EXOC6B: variants seen among roughly 807,000 people sequenced by gnomAD.
EXOC6B encodes SEC15 homolog B.
EXOC6B carries 54 observed loss-of-function variants against 113.5 expected under a neutral mutation model. The ratio of observed to expected loss-of-function variants is 0.48; its 90% confidence interval spans 0.38 to 0.60. The LOEUF is 0.60. Among genes scored for constraint, EXOC6B ranks in the 20% least tolerant of loss-of-function variants. EXOC6B has a pLI of 0.00. For missense variants in EXOC6B, 797 were observed against 977.5 expected (o/e 0.82, Z 2.46); for synonymous variants, 357 against 339.0 (o/e 1.05, Z -0.58).
intron 11 of EXOC6B, among the ~76,000 whole-genome samples, chr2:72,501,346 T>C (rs1471827571): frequency 6.6e-6 from 1 of 152,092 alleles, no homozygotes; most frequent in African/African-American, 2.4e-5. Context: ...GCTCCCTCTC[T>C]CACAATGTGA....
chr2:72,773,542 A>G (rs1683529483), intron 1 of EXOC6B, among the ~76,000 whole-genome samples: 1 of 151,998 alleles, frequency 6.6e-6, no homozygotes, highest in South Asian at 2.1e-4. Context: ...ATATCAAAAC[A>G]TCTCATTCTA....
intron 20 of EXOC6B, among the ~76,000 whole-genome samples, chr2:72,215,468 T>G (rs756235070): frequency 6.6e-6 from 1 of 152,182 alleles, no homozygotes; most frequent in Non-Finnish European, 1.5e-5. Flanking sequence ...GAAATCGTTA[T>G]GATCACCACC....
At chr2:72,618,404 A>C (rs1433418273) in intron 6 of EXOC6B, among the ~76,000 whole-genome samples, 2 of 152,232 alleles carry the variant, frequency 1.3e-5, no homozygotes, top group South Asian at 4.2e-4. Flanking sequence ...AAATCCCTTC[A>C]TATTATTGTG....
At chr2:72,238,179 G>A (rs1367391537) in intron 20 of EXOC6B, among the ~76,000 whole-genome samples, 1 of 152,112 alleles carries the variant, frequency 6.6e-6, no homozygotes, top group African/African-American at 2.4e-5. Context: ...GGCCTTTTGT[G>A]CTTGCTTCCT....
intron 11 of EXOC6B, among the ~76,000 whole-genome samples, chr2:72,506,674 C>G (rs1700613221): frequency 1.3e-5 from 2 of 152,104 alleles, no homozygotes. Flanking sequence ...TTCCTAAAAT[C>G]ATAAATATTA....
intron 6 of EXOC6B, among the ~76,000 whole-genome samples, chr2:72,655,146 C>A (rs990077459): frequency 3.3e-5 from 5 of 152,058 alleles, no homozygotes; most frequent in Non-Finnish European, 7.4e-5. Context: ...ATCAATTATT[C>A]AAACAAGTAA....
intron 8 of EXOC6B, among the ~76,000 whole-genome samples, chr2:72,548,885 T>C (rs1195266256): frequency 6.6e-6 from 1 of 151,964 alleles, no homozygotes; most frequent in Non-Finnish European, 1.5e-5. Context: ...GCTGAAACAT[T>C]AGAAAAAACT....
At chr2:72,277,593 G>T (rs1417614784) in intron 20 of EXOC6B, among the ~76,000 whole-genome samples, 1 of 151,936 alleles carries the variant, frequency 6.6e-6, no homozygotes, top group African/African-American at 2.4e-5. Flanking sequence ...CTGGGTTCAA[G>T]CAATTCTTGT....
At chr2:72,688,712 T>C (rs1677266645) in intron 6 of EXOC6B, among the ~76,000 whole-genome samples, 1 of 152,230 alleles carries the variant, frequency 6.6e-6, no homozygotes, top group Admixed American at 6.5e-5. Context: ...TAACAGCATC[T>C]GCTACGTCCA....
chr2:72,406,826 T>C (rs1482818823), intron 18 of EXOC6B, among the ~76,000 whole-genome samples: 1 of 152,080 alleles, frequency 6.6e-6, no homozygotes, highest in East Asian at 1.9e-4. Context: ...ATTCAAAAGC[T>C]AGCAGAAGGC....
intron 11 of EXOC6B, among the ~76,000 whole-genome samples, chr2:72,504,052 C>A (rs1700476353): frequency 6.6e-6 from 1 of 152,058 alleles, no homozygotes. Flanking sequence ...GGACCACAGG[C>A]ACATGCAACC....
At chr2:72,261,707 T>C (rs926821605) in intron 20 of EXOC6B, among the ~76,000 whole-genome samples, 3 of 152,178 alleles carry the variant, frequency 2.0e-5, no homozygotes, top group African/African-American at 7.2e-5. Flanking sequence ...TACATATAGT[T>C]CTCGACAAGT....
At chr2:72,293,339 T>A (rs1051169449) in intron 20 of EXOC6B, among the ~76,000 whole-genome samples, 1 of 152,090 alleles carries the variant, frequency 6.6e-6, no homozygotes, top group Admixed American at 6.5e-5. Context: ...AGTAGAAGAA[T>A]GGAGACACAA....
At chr2:72,281,055 T>C (rs890195654) in intron 20 of EXOC6B, among the ~76,000 whole-genome samples, 2 of 152,158 alleles carry the variant, frequency 1.3e-5, no homozygotes, top group Non-Finnish European at 2.9e-5. Flanking sequence ...AGGTTCCACC[T>C]AGAAGGAGCC....
chr2:72,588,662 G>A (rs1317737724), intron 6 of EXOC6B, among the ~76,000 whole-genome samples: 1 of 151,284 alleles, frequency 6.6e-6, no homozygotes, highest in Non-Finnish European at 1.5e-5. Context: ...TGACCACACT[G>A]GAAAAAAAAT....
chr2:72,382,379 C>G (rs948968292), intron 18 of EXOC6B, among the ~76,000 whole-genome samples: 9 of 152,120 alleles, frequency 5.9e-5, no homozygotes, highest in African/African-American at 2.2e-4. Context: ...CTATTTCATT[C>G]CATTGGTCTA....
intron 20 of EXOC6B, among the ~76,000 whole-genome samples, chr2:72,299,318 G>A (rs1200316508): frequency 6.6e-6 from 1 of 150,806 alleles, no homozygotes; most frequent in Non-Finnish European, 1.5e-5. Context: ...TTCTCGTGCT[G>A]TGTTTTTCAG....
At chr2:72,405,116 GATGAAATGA>G (rs901495307) in intron 18 of EXOC6B, among the ~76,000 whole-genome samples, 9 of 152,226 alleles carry the variant, frequency 5.9e-5, no homozygotes, top group Non-Finnish European at 1.3e-4. Context: ...AGTGATGGAA[GATGAAATGA>G]ATGAAATGAA....
At chr2:72,479,884 T>C (rs1196755952) in intron 17 of EXOC6B, among the ~76,000 whole-genome samples, 2 of 152,038 alleles carry the variant, frequency 1.3e-5, no homozygotes, top group Admixed American at 1.3e-4. Flanking sequence ...GGACAGAAAT[T>C]CCTCACTAAA....
Sources: allele counts gnomAD v4.1 joint callset (sites outside exome capture counted in the v4.1 genomes callset), GRCh38; gene constraint gnomAD v4.1.1; transcripts MANE v1.5; gene names NCBI Gene and HGNC (gene_info 2026-07-23, HGNC 2026-07-21).